The following MAP1LC3A variants were observed in gnomAD, a reference collection of about 807,000 sequenced individuals.
The protein encoded by MAP1LC3A is microtubule associated protein 1 light chain 3 alpha, also known as microtubule-associated protein 1 light chain 3 alpha.
Under a neutral mutation model 15.2 loss-of-function variants are expected in MAP1LC3A, and 10 were observed. That is an observed-to-expected ratio of 0.66 (90% CI 0.41 to 1.12). The LOEUF (loss-of-function observed/expected upper bound fraction) is 1.12. Ranked by LOEUF, MAP1LC3A falls within the 50% of genes most tolerant of loss-of-function variation. The pLI is 0.00. For synonymous variants in MAP1LC3A, 63 were observed against 64.3 expected (o/e 0.98, Z 0.10); for missense variants, 138 against 167.3 (o/e 0.82, Z 0.97).
At chr20:34,559,691 C>T (rs1435628189) in intron 3 of MAP1LC3A, 45 bp from the exon 4 acceptor site, 5 of 1,562,748 alleles carry the variant, frequency 3.2e-6, no homozygotes, top group Non-Finnish European at 3.5e-6. Flanking sequence ...ATGTCCGTCC[C>T]GCAGCCAAGC....
intron 1 of MAP1LC3A, among the ~76,000 whole-genome samples, chr20:34,549,297 A>G (rs1185827022): frequency 6.6e-6 from 1 of 152,200 alleles, no homozygotes; most frequent in Admixed American, 6.5e-5. Flanking sequence ...AAGTGCTGGG[A>G]TTACAGGCAC....
intron 1 of MAP1LC3A, among the ~76,000 whole-genome samples, chr20:34,549,686 A>G (rs1981874022): frequency 6.6e-6 from 1 of 152,210 alleles, no homozygotes; most frequent in African/African-American, 2.4e-5. Flanking sequence ...TTATTCAGAA[A>G]TAGCTAGAAA....
chr20:34,550,812 A>AT (rs1555793081), intron 2 of MAP1LC3A, among the ~76,000 whole-genome samples: 1 of 152,044 alleles, frequency 6.6e-6, no homozygotes, highest in African/African-American at 2.4e-5. Context: ...TATAATTAAA[A>AT]ATATATATAT....
rs1433290266 is a variant in MAP1LC3A, at chr20:34,558,767, G to C, written c.-102G>C. 3.0e-6 allele frequency: 4 copies of C among 1,341,316 alleles called. No homozygotes were observed. The highest frequency in any genetic ancestry group is 3.8e-6 in the Non-Finnish European group (4 of 1,054,770). The allele number at this position is 1,341,316 out of a possible 1,614,324, so 83.1% of individuals were successfully genotyped here. A position where few individuals can be genotyped will look rare whatever the true frequency, so the allele number is the denominator to read the frequency against. The stretch of plus-strand genomic sequence containing the variant: ...AGCCGCCGTGCTCAGCGCGAGCCCC[G>C]GAGCCCTTGAGCGCGAGGCGCGGAG... On this transcript the variant is annotated 5_prime_UTR_variant, in exon 1 of 4. Transcript: ENST00000360668. The surrounding 1 kb of genome is among the most constrained non-coding windows in gnomAD (Gnocchi z 4.3).
In MAP1LC3A at chr20:34,559,569, C is replaced by G. The variant is rs1982346882; in HGVS notation, c.203+116C>G. The G allele has an allele frequency of 5.7e-6, 7 of 1,236,266 alleles. No homozygotes were observed. In the South Asian group the frequency reaches 9.2e-5, roughly 16 times the overall value. The allele number at this position is 1,236,266 out of a possible 1,614,324, so 76.6% of individuals were successfully genotyped here. ...TGGGACCGGGCGGTGGGCCCCTGTT[C>G]TGGGGTGGCTGGAAAGGTCAAGGTC... On this transcript the variant is annotated intron_variant, in intron 3 of 3. Coordinates refer to ENST00000360668, the MANE Select transcript of MAP1LC3A (RefSeq NM_032514.4).
At position 34,559,468 on chromosome 20, in the gene MAP1LC3A, G is replaced by A. The variant is rs1362739051; in HGVS notation, c.203+15G>A. On this transcript the variant is annotated intron_variant, in intron 3 of 3. Coordinates refer to ENST00000360668, the MANE Select transcript of MAP1LC3A (RefSeq NM_032514.4). ...AAGATCATCCGGTGCGTGGGCAGCCGCCGCCAGGAGGTGGCTAGGGTCGGG... is the reference window on the plus strand; with the variant it reads ...AAGATCATCCGGTGCGTGGGCAGCCACCGCCAGGAGGTGGCTAGGGTCGGG... 3.1e-6 allele frequency: 5 copies of A among 1,603,544 alleles called. No homozygotes were observed. The highest frequency in any genetic ancestry group is 1.7e-6 in the Non-Finnish European group (2 of 1,173,698).
intron 2 of MAP1LC3A, among the ~76,000 whole-genome samples, chr20:34,551,467 CTTTT>C (rs58191574): frequency 4.7e-4 from 49 of 104,806 alleles, no homozygotes; most frequent in Middle Eastern, 5.7e-3. Flanking sequence ...GAACGCTGTC[CTTTT>C]TTTTTTTTTT....
chr20:34,549,566 C>G (rs1000795569), intron 1 of MAP1LC3A, among the ~76,000 whole-genome samples: 3 of 152,204 alleles, frequency 2.0e-5, no homozygotes, highest in African/African-American at 7.2e-5. Context: ...TGGCACGTTA[C>G]GGCTGTGACT....
At chr20:34,548,384 A>T (rs1233200815) in intron 1 of MAP1LC3A, among the ~76,000 whole-genome samples, 1 of 152,164 alleles carries the variant, frequency 6.6e-6, no homozygotes, top group Non-Finnish European at 1.5e-5. Context: ...AGGTGACCAG[A>T]CCGCTCCAAG....
At chr20:34,553,104 G>A (rs1441491949) in intron 2 of MAP1LC3A, among the ~76,000 whole-genome samples, 1 of 152,158 alleles carries the variant, frequency 6.6e-6, no homozygotes, top group African/African-American at 2.4e-5. Flanking sequence ...CAGGAGAATC[G>A]CTTGAAGGTG....
chr20:34,552,969 G>A (rs993885353), intron 2 of MAP1LC3A, among the ~76,000 whole-genome samples: 36 of 152,218 alleles, frequency 2.4e-4, no homozygotes, highest in Middle Eastern at 3.4e-3. Flanking sequence ...CAGGTGGATC[G>A]CCTGAGGCCA....
At chr20:34,548,010 A>C (rs911509207) in intron 1 of MAP1LC3A, among the ~76,000 whole-genome samples, 1 of 151,892 alleles carries the variant, frequency 6.6e-6, no homozygotes, top group Non-Finnish European at 1.5e-5. Flanking sequence ...CAGACGAGGG[A>C]GGGGGGTTCC....
At chr20:34,548,030 G>T (rs1284010943) in intron 1 of MAP1LC3A, among the ~76,000 whole-genome samples, 2 of 152,178 alleles carry the variant, frequency 1.3e-5, no homozygotes, top group African/African-American at 4.8e-5. Flanking sequence ...CCGGAGCAGT[G>T]ACGGTGGAGA....
chr20:34,558,278 G>A, upstream of MAP1LC3A: 1 of 985,552 alleles, frequency 1.0e-6, no homozygotes, highest in Non-Finnish European at 1.2e-6. The surrounding 1 kb of genome is among the most constrained non-coding windows in gnomAD (Gnocchi z 4.3). Flanking sequence ...TTCATTTCTA[G>A]CATCCTGTTC....
intron 2 of MAP1LC3A, among the ~76,000 whole-genome samples, chr20:34,552,669 C>T (rs1175966726): frequency 5.3e-5 from 8 of 152,336 alleles, no homozygotes; most frequent in Admixed American, 3.9e-4. Flanking sequence ...GTCCTGAGAG[C>T]GGACTGAAGG....
chr20:34,554,663 C>T (rs968655398), upstream of MAP1LC3A, among the ~76,000 whole-genome samples: 3 of 150,198 alleles, frequency 2.0e-5, no homozygotes, highest in Non-Finnish European at 3.0e-5. Flanking sequence ...TGAGACACCG[C>T]GCCCGGCCTG....
At chr20:34,548,830 C>T (rs559485789) in intron 1 of MAP1LC3A, among the ~76,000 whole-genome samples, 4 of 151,864 alleles carry the variant, frequency 2.6e-5, no homozygotes. Context: ...CTCAGTCTCC[C>T]GAGTAGCTGA....
At chr20:34,549,798 GGA>G in intron 1 of MAP1LC3A, 2 of 592,814 alleles carry the variant, frequency 3.4e-6, no homozygotes. Flanking sequence ...CGTGTCTTAG[GGA>G]GAGGTGATTT....
Position 34,559,834 on chromosome 20 carries a change from A to G in MAP1LC3A, c.302A>G (p.Gln101Arg), listed in dbSNP as rs1452406837. The G allele has an allele frequency of 6.2e-7, 1 of 1,613,924 alleles. No homozygotes were observed. Among genetic ancestry groups the G allele is most frequent in the African/African-American group, 1.3e-5 (1 of 74,936 alleles). ...VSTPIADIYEQEKDEDGFLYM... is the reference protein window; with the variant it reads ...VSTPIADIYEREKDEDGFLYM... ...ACGCCCATCGCGGACATCTACGAGC[A>G]GGAGAAAGACGAGGACGGCTTCCTC... Residue 101 changes from glutamine to arginine, a missense_variant, in exon 4 of 4, where the codon CAG (glutamine) becomes CGG (arginine). Gln to Arg is a conservative substitution (Grantham distance 43, BLOSUM62 1). Coordinates refer to ENST00000360668, the MANE Select transcript of MAP1LC3A (RefSeq NM_032514.4).
Sources: allele counts gnomAD v4.1 joint callset (sites outside exome capture counted in the v4.1 genomes callset), GRCh38; gene constraint gnomAD v4.1.1; non-coding constraint Gnocchi (gnomAD v3.1); transcripts MANE v1.5; gene names NCBI Gene and HGNC (gene_info 2026-07-23, HGNC 2026-07-21).